MTSS1: variants seen among roughly 807,000 people sequenced by gnomAD.
MTSS1 encodes the protein protein MTSS 1.
MTSS1 carries 18 observed loss-of-function variants against 79.0 expected under a neutral mutation model. The ratio of observed to expected loss-of-function variants is 0.23; its 90% CI spans 0.16 to 0.34. MTSS1 has a LOEUF of 0.34. MTSS1 is among the 10% of genes least tolerant of loss of function. The pLI is 1.00. For synonymous variants in MTSS1, 341 were observed against 368.6 expected (o/e 0.93, Z 0.86); for missense variants, 815 against 986.2 (o/e 0.83, Z 2.33).
intron 3 of MTSS1, among the ~76,000 whole-genome samples, chr8:124,670,923 A>G (rs1448562876): frequency 6.6e-6 from 1 of 152,218 alleles, no homozygotes; most frequent in Non-Finnish European, 1.5e-5. Flanking sequence ...CAGGTCAACC[A>G]AAAGAAAACA....
chr8:124,563,111 A>C (rs1315623411), intron 9 of MTSS1, 119 bp from the exon 10 acceptor site: 2 of 826,990 alleles, frequency 2.4e-6, no homozygotes, highest in Non-Finnish European at 3.8e-6. Flanking sequence ...GCACAACATA[A>C]TGCAATTAGC....
At chr8:124,632,788 CT>C (rs1816248017) in intron 3 of MTSS1, among the ~76,000 whole-genome samples, 1 of 152,204 alleles carries the variant, frequency 6.6e-6, no homozygotes. Context: ...CTGCCTCAGC[CT>C]TCCAAGTAGC....
At chr8:124,602,216 T>C (rs1391405975) in intron 3 of MTSS1, among the ~76,000 whole-genome samples, 3 of 111,442 alleles carry the variant, frequency 2.7e-5, no homozygotes, top group African/African-American at 1.0e-4. Flanking sequence ...TAATTTTTTT[T>C]TGAGACACGG....
At chr8:124,633,179 T>C (rs538339896) in intron 3 of MTSS1, among the ~76,000 whole-genome samples, 1 of 143,226 alleles carries the variant, frequency 7.0e-6, no homozygotes, top group Non-Finnish European at 1.5e-5. Context: ...TAAAAAAAAA[T>C]TTTTAAAGAT....
chr8:124,565,545 C>A (rs73341805), intron 9 of MTSS1, 117 bp downstream of exon 9: 1 of 819,724 alleles, frequency 1.2e-6, no homozygotes, highest in South Asian at 1.9e-5. Context: ...GCTCATCATC[C>A]CATTTCCTGT....
rs1434038151 is a variant in MTSS1 at position 124,652,396 on chromosome 8, C to T, written c.208+47130G>A. ...GGCCAGGCTGGTCTCAAACTCCTGA[C>T]CTCAGGTGAGCCATCTGCCTCAGCC... On this transcript the variant is annotated intron_variant, in intron 3 of 13. Coordinates refer to ENST00000518547, the MANE Select transcript of MTSS1 (RefSeq NM_014751.6). Among the ~76,000 whole-genome samples the T allele has an allele frequency of 3.3e-5, 5 of 151,842 alleles. No individual in the cohort carries two copies. The South Asian group carries it at 8.4e-4, about 25-fold the overall frequency.
At chr8:124,574,949 G>A (rs1393071488) in intron 6 of MTSS1, among the ~76,000 whole-genome samples, 2 of 152,024 alleles carry the variant, frequency 1.3e-5, no homozygotes, top group Admixed American at 6.6e-5. Flanking sequence ...ACAATCAATG[G>A]TGTGTCACAG....
At chr8:124,639,018 T>C (rs1433761808) in intron 3 of MTSS1, among the ~76,000 whole-genome samples, 2 of 152,188 alleles carry the variant, frequency 1.3e-5, no homozygotes, top group Admixed American at 6.5e-5. Flanking sequence ...CAAATGCGTA[T>C]GTAGCAAGGG....
intron 3 of MTSS1, among the ~76,000 whole-genome samples, chr8:124,672,851 A>G (rs1824516942): frequency 6.6e-6 from 1 of 151,776 alleles, no homozygotes; most frequent in African/African-American, 2.4e-5. Flanking sequence ...GCATGCACAC[A>G]CACACATATG....
rs1395095101 is a variant in MTSS1 at position 124,683,866 on chromosome 8, T to C, written c.208+15660A>G. Among the ~76,000 whole-genome samples the C allele has an allele frequency of 2.6e-5, 4 of 152,208 alleles. No homozygotes were observed. The highest frequency in any genetic ancestry group is 6.5e-5 in the Admixed American group (1 of 15,284). On this transcript the variant is annotated intron_variant, in intron 3 of 13. Coordinates refer to ENST00000518547, the MANE Select transcript of MTSS1 (RefSeq NM_014751.6). The surrounding 1 kb of genome is among the most constrained non-coding windows in gnomAD (Gnocchi z 4.5). ...TGGTGGTGAGGCCATAACAAGCCGG[T>C]ACCCACATGCGGTGGGGGCTCTGAC...
intron 3 of MTSS1, among the ~76,000 whole-genome samples, chr8:124,628,951 G>A (rs1216899935): frequency 6.6e-6 from 1 of 152,158 alleles, no homozygotes; most frequent in Non-Finnish European, 1.5e-5. Context: ...GGATTTTACA[G>A]GATCCCAAAG....
chr8:124,719,989 C>A (rs546985692), intron 1 of MTSS1, among the ~76,000 whole-genome samples: 12 of 152,134 alleles, frequency 7.9e-5, no homozygotes, highest in Non-Finnish European at 1.6e-4. Context: ...GGCTTCAAAG[C>A]CCAAGGATAA....
intron 3 of MTSS1, among the ~76,000 whole-genome samples, chr8:124,644,790 A>G (rs1464511802): frequency 2.0e-5 from 3 of 151,438 alleles, no homozygotes; most frequent in Non-Finnish European, 4.4e-5. Context: ...ATAATTCCAA[A>G]TGGACATGGA....
In MTSS1 at chr8:124,591,022, T is replaced by C. The variant is rs1587057447; in HGVS notation, c.293+129A>G. ...CTGGTATGCAGCAGATGCCTAACAA[T>C]ACTCAGGCAATGAATGAGCCAAGTC... On this transcript the variant is annotated intron_variant, in intron 4 of 13. Coordinates refer to ENST00000518547, the MANE Select transcript of MTSS1 (RefSeq NM_014751.6). 1.1e-5 allele frequency: 8 copies of C among 758,582 alleles called. No homozygotes were observed. In the South Asian group the frequency reaches 1.2e-4, roughly 11 times the overall value. 47.0% of individuals were successfully genotyped at this position (758,582 alleles called of 1,614,324 possible).
At chr8:124,595,547 T>C (rs539938016) in intron 3 of MTSS1, among the ~76,000 whole-genome samples, 2 of 152,172 alleles carry the variant, frequency 1.3e-5, no homozygotes, top group African/African-American at 4.8e-5. Flanking sequence ...CTTCTGTCCT[T>C]ACATCTTCTC....
chr8:124,604,499 A>G (rs1423815989), intron 3 of MTSS1, among the ~76,000 whole-genome samples: 1 of 152,232 alleles, frequency 6.6e-6, no homozygotes, highest in African/African-American at 2.4e-5. Context: ...AGCCCCCAAA[A>G]AAGGAAGTAC....
intron 3 of MTSS1, among the ~76,000 whole-genome samples, chr8:124,654,099 C>A (rs976610279): frequency 3.9e-5 from 6 of 152,132 alleles, no homozygotes; most frequent in Non-Finnish European, 8.8e-5. Flanking sequence ...CTACCCCACA[C>A]GAGGGTAATG....
intron 6 of MTSS1, among the ~76,000 whole-genome samples, chr8:124,570,337 A>T (rs1827481396): frequency 6.6e-6 from 1 of 152,174 alleles, no homozygotes; most frequent in Non-Finnish European, 1.5e-5. Context: ...AAGTCCACGG[A>T]GGGGTGCTAC....
At chr8:124,593,307 G>A (rs1190465349) in intron 3 of MTSS1, among the ~76,000 whole-genome samples, 1 of 152,184 alleles carries the variant, frequency 6.6e-6, no homozygotes, top group Non-Finnish European at 1.5e-5. Flanking sequence ...ACTCACTGAT[G>A]GTAAGAGTGT....
Sources: gnomAD v4.1 joint callset for allele counts (sites outside exome capture counted in the v4.1 genomes callset) on GRCh38, gnomAD v4.1.1 for gene constraint, Gnocchi (gnomAD v3.1) non-coding constraint, MANE v1.5 for transcripts, NCBI Gene and HGNC (gene_info 2026-07-23, HGNC 2026-07-21) for gene names.